The following CHD8 variants were observed in gnomAD, a reference collection of about 807,000 sequenced individuals.
CHD8 encodes the protein chromodomain helicase DNA binding protein 8.
A neutral mutation model predicts 279.2 loss-of-function variants in CHD8; 31 were observed. The observed-to-expected ratio is 0.11, with a 90% CI of 0.08 to 0.15. The LOEUF (loss-of-function observed/expected upper bound fraction) is 0.15, where lower values mean the gene tolerates loss of function less well. CHD8 is among the 10% of genes least tolerant of loss of function. The pLI is 1.00. For synonymous variants in CHD8, 1,081 were observed against 1,139.6 expected, an observed-to-expected ratio of 0.95 and a Z score of 1.04; for missense variants, 2,146 against 3,230.5, an observed-to-expected ratio of 0.66 and a Z score of 8.14.
chr14:21,431,902 G>A, intron 1 of CHD8, 44 bp from the exon 2 acceptor site: 3 of 1,377,654 alleles, frequency 2.2e-6, no homozygotes, highest in Non-Finnish European at 2.1e-6. Flanking sequence ...GGCAAAGTTG[G>A]CGATCTCAGA....
chr14:21,427,490 A>C, intron 4 of CHD8: 1 of 898,020 alleles, frequency 1.1e-6, no homozygotes, highest in Non-Finnish European at 1.4e-6. Flanking sequence ...ACGTCCCATC[A>C]CAATAGCAAG....
Position 21,403,780 on chromosome 14 carries a change from TCA to T in CHD8, c.3308-119_3308-118del, listed in dbSNP as rs1312445023. On this transcript the variant is annotated intron_variant, in intron 16 of 37. Transcript: ENST00000646647. This position sits in a 1 kb window ranked among gnomAD's most constrained non-coding sequence, Gnocchi z 4.3. ...TAATTTGACTTAAGACCAACATTTC[TCA>T]CACACAGAATTTCAGCACAAAAAAG... 2.3e-6 allele frequency: 2 copies of T among 872,556 alleles called. No homozygotes were observed. The highest frequency in any genetic ancestry group is 3.6e-6 in the Non-Finnish European group (2 of 561,734). 54.1% of individuals were successfully genotyped at this position (872,556 alleles called of 1,614,324 possible).
intron 8 of CHD8, 55 bp downstream of exon 8, chr14:21,414,883 C>G: frequency 7.0e-7 from 1 of 1,437,276 alleles, no homozygotes; most frequent in Non-Finnish European, 9.7e-7. Context: ...CCCAGGAGAA[C>G]TTTTTACCAC....
intron 27 of CHD8, chr14:21,397,501 T>C: frequency 2.6e-6 from 1 of 391,590 alleles, no homozygotes; most frequent in Admixed American, 3.1e-5. Context: ...AGAAGCAACG[T>C]ATGAGAGCTG....
Position 21,403,349 on chromosome 14 carries a change from TTC to T in CHD8, c.3518+102_3518+103del, listed in dbSNP as rs1888114610. 16 of 1,269,478 alleles carry T rather than the reference TTC, an allele frequency of 1.3e-5. No homozygotes were observed. The East Asian group carries it at 4.0e-4, about 31-fold the overall frequency. 78.6% of individuals were successfully genotyped at this position (1,269,478 alleles called of 1,614,324 possible). On this transcript the variant is annotated intron_variant, in intron 17 of 37. Coordinates refer to ENST00000646647, the MANE Select transcript of CHD8 (RefSeq NM_001170629.2). The surrounding 1 kb of genome is among the most constrained non-coding windows in gnomAD (Gnocchi z 4.3). ...AGTTGAGAGTGAGAATCTTAAAAAC[TTC>T]TCTTATTGCAATTGGTGAACTCTAA...
chr14:21,394,022 C>T lies in CHD8; in HGVS notation c.5773G>A (p.Glu1925Lys). The change falls in exon 32 of 38, where the codon GAG becomes AAG. Residue 1925 changes from glutamate (E) to lysine (K), a missense_variant. Glu to Lys is a moderately conservative substitution (Grantham distance 56). This residue lies in a region of CHD8 where 513 missense variants were observed against 637.6 expected (regional missense o/e 0.80). Coordinates refer to ENST00000646647, the MANE Select transcript of CHD8 (RefSeq NM_001170629.2). ...PPGPELPKWWEPVRHDGELLR... is the reference protein window; with the variant it reads ...PPGPELPKWWKPVRHDGELLR... ...AGCTCCCCATCATGCCGAACAGGCT[C>T]CCACCATTTGGGCAATTCAGGACCA... 6.2e-7 allele frequency: 1 copy of T among 1,613,800 alleles called. No homozygotes were observed. The highest frequency in any genetic ancestry group is 8.5e-7 in the Non-Finnish European group (1 of 1,179,826).
chr14:21,415,410 G>C (rs1414539505), intron 7 of CHD8, 164 bp downstream of exon 7: 5 of 364,290 alleles, frequency 1.4e-5, no homozygotes, highest in Non-Finnish European at 2.3e-5. Flanking sequence ...TGAGGCAGAA[G>C]AATAGCTCAA....
chr14:21,409,724 C>A, intron 11 of CHD8, 127 bp downstream of exon 11: 1 of 812,058 alleles, frequency 1.2e-6, no homozygotes, highest in Non-Finnish European at 1.9e-6. Flanking sequence ...TACATTATAC[C>A]ATTTCTTCGA....
At position 21,426,142 on chromosome 14, in the gene CHD8, CTT is replaced by C; in HGVS notation, c.1700_1701del (p.Glu567GlyfsTer14). ...VMPAQSPRED[E>X]ESSIQKRRSN... The stretch of plus-strand genomic sequence containing the variant: ...GATCCTTTTACCTGAATGCTGCTTT[CTT>C]CATCTTCTCGAGGTGACTGTGCAGG... On this transcript the variant is annotated frameshift_variant, in exon 5 of 38. Transcript: ENST00000646647. LOFTEE classifies it high-confidence loss of function. The C allele has an allele frequency of 6.2e-7, 1 of 1,601,168 alleles. No individual in the cohort carries two copies. The highest frequency in any genetic ancestry group is 1.1e-5 in the South Asian group (1 of 90,186).
At chr14:21,407,767 C>T (rs1007870142) in intron 13 of CHD8, among the ~76,000 whole-genome samples, 1 of 152,066 alleles carries the variant, frequency 6.6e-6, no homozygotes, top group Admixed American at 6.6e-5. Flanking sequence ...CACCACCACA[C>T]CTGGCTAATT....
chr14:21,449,651 TAG>T (rs1332218933), intron 1 of CHD8, among the ~76,000 whole-genome samples: 3 of 152,254 alleles, frequency 2.0e-5, no homozygotes, highest in Non-Finnish European at 2.9e-5. Context: ...ACTTGTGATC[TAG>T]AGTAACATCC....
chr14:21,414,661 A>G, intron 8 of CHD8: 2 of 593,450 alleles, frequency 3.4e-6, no homozygotes, highest in Non-Finnish European at 5.9e-6. Context: ...TCCATGGGCC[A>G]TATTTTGAGT....
Position 21,392,657 on chromosome 14 carries a change from T to G in CHD8, c.6621A>C (p.Glu2207Asp). The change falls in exon 34 of 38, where the codon GAA (glutamate) becomes GAC (aspartate). Residue 2207 changes from glutamate to aspartate, a missense_variant. By Grantham distance (45) the Glu-to-Asp change is conservative. This residue lies in a region of CHD8 where 513 missense variants were observed against 637.6 expected (regional missense o/e 0.80). Transcript: ENST00000646647. ...LLDSPSLTPG[E>D]YGDSPVPTPR... is the part of the protein sequence containing the mutation. ...GTGTGGGGACTGGAGAGTCACCATA[T>G]TCTCCAGGAGTCAATGAGGGACTGT... The G allele has an allele frequency of 3.1e-6, 5 of 1,614,040 alleles. No individual in the cohort carries two copies. The highest frequency in any genetic ancestry group is 4.2e-6 in the Non-Finnish European group (5 of 1,179,900).
At chr14:21,440,362 A>G (rs368116699) in intron 1 of CHD8, among the ~76,000 whole-genome samples, 1 of 151,946 alleles carries the variant, frequency 6.6e-6, no homozygotes, top group South Asian at 2.1e-4. Flanking sequence ...GTCCACCACC[A>G]TGCCCGGCTA....
chr14:21,392,897 G>A, intron 33 of CHD8, 88 bp from the exon 34 acceptor site: 1 of 1,363,122 alleles, frequency 7.3e-7, no homozygotes, highest in Non-Finnish European at 1.0e-6. Context: ...ATCACTACCA[G>A]GATGGGTAAA....
At chr14:21,449,017 A>T (rs928302866) in intron 1 of CHD8, among the ~76,000 whole-genome samples, 7 of 151,866 alleles carry the variant, frequency 4.6e-5, no homozygotes, top group African/African-American at 1.4e-4. Context: ...TACTAAAAAT[A>T]CAAAAAATTA....
chr14:21,411,606 TC>T (rs1888495600), intron 10 of CHD8, among the ~76,000 whole-genome samples: 1 of 152,216 alleles, frequency 6.6e-6, no homozygotes, highest in Non-Finnish European at 1.5e-5. Context: ...ATAGAAATTT[TC>T]TTTATGATCC....
chr14:21,450,698 G>C (rs138402268), intron 1 of CHD8, among the ~76,000 whole-genome samples: 14 of 151,620 alleles, frequency 9.2e-5, no homozygotes, highest in Non-Finnish European at 1.9e-4. Context: ...AAAAAAAAGC[G>C]TAAGACCTTA....
rs200532423 is a variant in CHD8, at chr14:21,401,529, T to C, written c.4063-16A>G. 8.2e-6 allele frequency: 12 copies of C among 1,467,632 alleles called. No individual in the cohort carries two copies. Among genetic ancestry groups the C allele is most frequent in the Admixed American group, 5.1e-5 (2 of 39,372 alleles). 90.9% of individuals were successfully genotyped at this position (1,467,632 alleles called of 1,614,324 possible). A position where few individuals can be genotyped will look rare whatever the true frequency, so the allele number is the denominator to read the frequency against. On this transcript the variant is annotated splice_polypyrimidine_tract_variant and intron_variant, in intron 20 of 37. Transcript: ENST00000646647. Reference sequence around the variant, plus strand: ...CAAAGCTTGCCTAGAGAAAAACAAATGCAGAGGTAAAGCTGACTTTTTTTT... The same window carrying C: ...CAAAGCTTGCCTAGAGAAAAACAAACGCAGAGGTAAAGCTGACTTTTTTTT...
Sources: allele counts gnomAD v4.1 joint callset (sites outside exome capture counted in the v4.1 genomes callset), GRCh38; gene constraint gnomAD v4.1.1; regional missense constraint gnomAD v4.1.1; non-coding constraint Gnocchi (gnomAD v3.1); transcripts MANE v1.5; gene names NCBI Gene and HGNC (gene_info 2026-07-23, HGNC 2026-07-21).